Variants in LPAR1 observed in about 807,000 individuals in gnomAD.
LPAR1 encodes the protein lysophosphatidic acid receptor 1, also known as LPA receptor 1.
LPAR1 carries 5 observed loss-of-function variants against 23.8 expected under a neutral mutation model. The ratio of observed to expected loss-of-function variants is 0.21; its 90% confidence interval spans 0.11 to 0.44. The LOEUF (loss-of-function observed/expected upper bound fraction) is 0.44, where lower values mean the gene tolerates loss of function less well. LPAR1 is among the 20% of genes least tolerant of loss of function. The pLI is 0.99. For missense variants in LPAR1, 311 were observed against 482.8 expected (o/e 0.64, Z 3.33); for synonymous variants, 160 against 164.7 (o/e 0.97, Z 0.22).
At chr9:110,967,773 C>T (rs1359053346) in intron 4 of LPAR1, among the ~76,000 whole-genome samples, 1 of 152,144 alleles carries the variant, frequency 6.6e-6, no homozygotes, top group Non-Finnish European at 1.5e-5. Flanking sequence ...GGGGCAAGGG[C>T]AAGTCAGCCT....
chr9:110,892,826 A>AAGGCAGGCAGGC lies in LPAR1; in HGVS notation c.794-17116_794-17105dup, dbSNP rs1167070374. ...GAAGGAAGGAAGGAAGGAAGGAAGG[A>AAGGCAGGCAGGC]AGGCAGGCAGGCAGGCAGGCAGGCA... On this transcript the variant is annotated intron_variant, in intron 5 of 5. Transcript: ENST00000683809. 2.3e-3 allele frequency among the ~76,000 whole-genome samples: 150 copies of AAGGCAGGCAGGC among 65,430 alleles called. 4 individuals are homozygous for AAGGCAGGCAGGC. The highest frequency in any genetic ancestry group is 0.014 in the East Asian group (31 of 2,176). The allele number at this position is 65,430 out of a possible 152,430, so 42.9% of individuals were successfully genotyped here. A position where few individuals can be genotyped will look rare whatever the true frequency, so the allele number is the denominator to read the frequency against.
At chr9:111,004,256 A>G (rs2097176444) in intron 2 of LPAR1, among the ~76,000 whole-genome samples, 1 of 152,216 alleles carries the variant, frequency 6.6e-6, no homozygotes. Flanking sequence ...ACTTCATTCA[A>G]TTATTCTCTC....
chr9:110,913,662 A>T lies in LPAR1; in HGVS notation c.793+27759T>A, dbSNP rs1192902231. On this transcript the variant is annotated intron_variant, in intron 5 of 5. Coordinates refer to ENST00000683809, the MANE Select transcript of LPAR1 (RefSeq NM_001351411.2). ...AAGTATGCCCACAAACAAAAAGCAC[A>T]TTCTGAATGGAACAAACCAAGTGAA... Among the ~76,000 whole-genome samples the T allele has an allele frequency of 1.2e-4, 18 of 152,314 alleles. No individual in the cohort carries two copies. The South Asian group carries it at 3.7e-3, about 32-fold the overall frequency.
chr9:110,987,625 A>G (rs961472359), intron 2 of LPAR1, among the ~76,000 whole-genome samples: 1 of 151,326 alleles, frequency 6.6e-6, no homozygotes, highest in Admixed American at 6.6e-5. Flanking sequence ...GGTAAGGAGA[A>G]CCCATTGGGC....
At chr9:111,018,153 G>A (rs1034980720) in intron 2 of LPAR1, among the ~76,000 whole-genome samples, 8 of 152,324 alleles carry the variant, frequency 5.3e-5, no homozygotes, top group African/African-American at 1.9e-4. Flanking sequence ...TGACCACAGT[G>A]GAGAGAACAT....
intron 2 of LPAR1, among the ~76,000 whole-genome samples, chr9:110,986,079 A>T (rs1015796666): frequency 6.6e-6 from 1 of 152,138 alleles, no homozygotes; most frequent in Non-Finnish European, 1.5e-5. Flanking sequence ...GACAGACTTC[A>T]TTCTGCCCTG....
At chr9:111,006,726 A>G (rs1340098636) in intron 2 of LPAR1, among the ~76,000 whole-genome samples, 1 of 152,216 alleles carries the variant, frequency 6.6e-6, no homozygotes, top group African/African-American at 2.4e-5. Flanking sequence ...TGAAAAATAA[A>G]GCCTTAAGAG....
intron 2 of LPAR1, chr9:110,999,278 T>G (rs760213201): frequency 2.4e-4 from 87 of 369,210 alleles, no homozygotes; most frequent in South Asian, 4.7e-4. Context: ...TAATATCTAT[T>G]AAGTACAGTG....
Position 110,972,945 on chromosome 9 carries a change from T to C in LPAR1, c.-104+536A>G, listed in dbSNP as rs142574270. Among the ~76,000 whole-genome samples the C allele has an allele frequency of 9.3e-3, 1,403 of 151,036 alleles. 62 individuals carry two copies. Among genetic ancestry groups the C allele is most frequent in the Admixed American group, 0.07 (1,059 of 15,198 alleles). On this transcript the variant is annotated intron_variant, in intron 3 of 5. Coordinates refer to ENST00000683809, the MANE Select transcript of LPAR1 (RefSeq NM_001351411.2). ...CTGGGCGACACAGAGAGACTCCTTC[T>C]CAAAAAAAAGAAAAAGAAAAAGAAA... is the stretch of plus-strand genomic sequence containing the variant.
At chr9:110,977,875 GGAAGGAAGGAA>G (rs2096591381) in intron 2 of LPAR1, among the ~76,000 whole-genome samples, 3 of 142,208 alleles carry the variant, frequency 2.1e-5, no homozygotes, top group Admixed American at 7.2e-5. Context: ...AAGGAAGGAA[GGAAGGAAGGAA>G]GGAAGGAAGG....
At position 110,964,262 on chromosome 9, in the gene LPAR1, A is replaced by C. The variant is rs565904988; in HGVS notation, c.45+7811T>G. 3.9e-5 allele frequency among the ~76,000 whole-genome samples: 6 copies of C among 151,952 alleles called. No homozygotes were observed. The South Asian group carries it at 1.2e-3, about 32-fold the overall frequency. Reference sequence around the variant, plus strand: ...GAGTCATTGAATCATTTTATGCAGAAGAGTAAACTGATCTAATCAATGTTT... The same window carrying C: ...GAGTCATTGAATCATTTTATGCAGACGAGTAAACTGATCTAATCAATGTTT... On this transcript the variant is annotated intron_variant, in intron 4 of 5. Transcript: ENST00000683809.
chr9:110,973,270 C>A (rs965101959), intron 3 of LPAR1, among the ~76,000 whole-genome samples: 6 of 152,138 alleles, frequency 3.9e-5, no homozygotes, highest in African/African-American at 1.4e-4. Context: ...TTAGATAGCA[C>A]CCCGTCCAAC....
intron 4 of LPAR1, 70 bp downstream of exon 4, chr9:110,972,003 C>T: frequency 7.5e-7 from 1 of 1,326,778 alleles, no homozygotes; most frequent in Non-Finnish European, 1.1e-6. Context: ...AAATACACTT[C>T]CTGAAACCCA....
intron 5 of LPAR1, among the ~76,000 whole-genome samples, chr9:110,907,395 TGAAA>T (rs2091504636): frequency 2.0e-5 from 3 of 152,184 alleles, no homozygotes; most frequent in African/African-American, 7.2e-5. Flanking sequence ...CAGACTCTGG[TGAAA>T]GAAAGAGAAC....
chr9:111,021,156 G>T (rs987469274), intron 2 of LPAR1, among the ~76,000 whole-genome samples: 1 of 152,198 alleles, frequency 6.6e-6, no homozygotes, highest in South Asian at 2.1e-4. Context: ...AAGGGAAGAT[G>T]CTGGTCAAAG....
intron 4 of LPAR1, among the ~76,000 whole-genome samples, chr9:110,967,927 G>A (rs1814826467): frequency 6.6e-6 from 1 of 152,164 alleles, no homozygotes; most frequent in South Asian, 2.1e-4. Flanking sequence ...ATGACCTAAT[G>A]TCCCAGTGTA....
chr9:111,030,510 C>A (rs1351660557), intron 2 of LPAR1, among the ~76,000 whole-genome samples: 1 of 152,202 alleles, frequency 6.6e-6, no homozygotes, highest in Non-Finnish European at 1.5e-5. Context: ...CTCTACCTAT[C>A]TTCTCTGCTC....
intron 2 of LPAR1, among the ~76,000 whole-genome samples, chr9:110,991,537 A>C (rs1207847385): frequency 6.6e-6 from 1 of 151,538 alleles, no homozygotes; most frequent in Admixed American, 6.6e-5. Flanking sequence ...TGTGAGCTGA[A>C]ACACTATTTT....
rs541667823 is a variant in LPAR1 at position 110,982,082 on chromosome 9, C to T, written c.-181-8524G>A. Among the ~76,000 whole-genome samples the T allele has an allele frequency of 6.6e-5, 10 of 152,236 alleles. No homozygotes were observed. The East Asian group carries it at 1.5e-3, about 24-fold the overall frequency. On this transcript the variant is annotated intron_variant, in intron 2 of 5. Coordinates refer to ENST00000683809, the MANE Select transcript of LPAR1 (RefSeq NM_001351411.2). ...CACAGTGTGGCAACTCCTCAAGGAT[C>T]TAGAACTAGAAATACCATTTGACTC... is the stretch of plus-strand genomic sequence containing the variant.
Sources: allele counts gnomAD v4.1 joint callset (sites outside exome capture counted in the v4.1 genomes callset), GRCh38; gene constraint gnomAD v4.1.1; transcripts MANE v1.5; gene names NCBI Gene and HGNC (gene_info 2026-07-23, HGNC 2026-07-21).